The following WDR72 variants were observed in gnomAD, a reference collection of about 807,000 sequenced individuals.
WDR72 encodes WD repeat-containing protein 72.
In WDR72, 120 loss-of-function variants were observed where a neutral mutation model predicts 124.2. The ratio of observed to expected loss-of-function variants is 0.97; its 90% CI spans 0.83 to 1.12. WDR72 has a LOEUF of 1.12. WDR72 is among the 50% of genes most tolerant of loss of function. The pLI, the probability that WDR72 is intolerant of heterozygous loss-of-function variation, is 0.00. For missense variants in WDR72, 1,387 were observed against 1,278.8 expected, an observed-to-expected ratio of 1.08 and a Z score of -1.29; for synonymous variants, 452 against 441.7, an observed-to-expected ratio of 1.02 and a Z score of -0.29.
chr15:53,630,002 G>A (rs184138249), intron 14 of WDR72, among the ~76,000 whole-genome samples: 7 of 152,172 alleles, frequency 4.6e-5, no homozygotes, highest in African/African-American at 1.4e-4. Context: ...ATAATTAGTG[G>A]GGAAAAATCA....
chr15:53,648,053 T>C lies in WDR72; in HGVS notation c.1962+17519A>G, dbSNP rs564357442. 2.5e-3 allele frequency among the ~76,000 whole-genome samples: 379 copies of C among 152,202 alleles called. 6 individuals are homozygous for C. The highest frequency in any genetic ancestry group is 8.7e-3 in the African/African-American group (362 of 41,568). On this transcript the variant is annotated intron_variant, in intron 14 of 19. Transcript: ENST00000360509. ...AGAAGACACAGAAACAAATTCCCCCTAACTTCCCCACCTCTGACAGATGGC... is the reference window on the plus strand; with the variant it reads ...AGAAGACACAGAAACAAATTCCCCCCAACTTCCCCACCTCTGACAGATGGC...
chr15:53,757,977 T>TTCTCTCTCTCTC (rs5812712), intron 1 of WDR72, among the ~76,000 whole-genome samples: 71 of 148,770 alleles, frequency 4.8e-4, no homozygotes, highest in African/African-American at 1.5e-3. Flanking sequence ...AGAGTTTATT[T>TTCTCTCTCTCTC]TCTCTCTCTC....
intron 1 of WDR72, among the ~76,000 whole-genome samples, chr15:53,741,399 C>T (rs941274648): frequency 6.6e-6 from 1 of 152,150 alleles, no homozygotes; most frequent in African/African-American, 2.4e-5. Context: ...TCCAGATTTG[C>T]TATGTGTAGT....
chr15:53,687,140 CAATT>C (rs1331328065), intron 13 of WDR72, among the ~76,000 whole-genome samples: 1 of 148,268 alleles, frequency 6.7e-6, no homozygotes, highest in African/African-American at 2.5e-5. Flanking sequence ...CCTAACATCA[CAATT>C]AAAAGAACTA....
rs1207634830 is a variant in WDR72, at chr15:53,639,439, C to T, written c.1963-23196G>A. 3.7e-5 allele frequency among the ~76,000 whole-genome samples: 5 copies of T among 134,886 alleles called. No homozygotes were observed. In the East Asian group the frequency reaches 1.2e-3, roughly 33 times the overall value. The allele number at this position is 134,886 out of a possible 152,430, so 88.5% of individuals were successfully genotyped here. A position where few individuals can be genotyped will look rare whatever the true frequency, so the allele number is the denominator to read the frequency against. Reference sequence around the variant, plus strand: ...ACCAGCCTGGGCAACATAGCAAGACCTCGTCTCTACAGATAATTAAAAATT... The same window carrying T: ...ACCAGCCTGGGCAACATAGCAAGACTTCGTCTCTACAGATAATTAAAAATT... On this transcript the variant is annotated intron_variant, in intron 14 of 19. Coordinates refer to ENST00000360509, the MANE Select transcript of WDR72 (RefSeq NM_182758.4).
At chr15:53,711,165 T>C in intron 8 of WDR72, 171 bp downstream of exon 8, 1 of 969,114 alleles carries the variant, frequency 1.0e-6, no homozygotes, top group East Asian at 2.6e-5. Context: ...CATCCCCTGC[T>C]GTTTTGTACA....
intron 18 of WDR72, among the ~76,000 whole-genome samples, chr15:53,560,042 T>A (rs2140292452): frequency 6.6e-6 from 1 of 152,064 alleles, no homozygotes; most frequent in Admixed American, 6.6e-5. Context: ...ACATGGCACA[T>A]TTATCACAAC....
chr15:53,685,580 T>A (rs1210392900), intron 13 of WDR72, among the ~76,000 whole-genome samples: 7 of 147,666 alleles, frequency 4.7e-5, no homozygotes, highest in African/African-American at 1.8e-4. Context: ...CAAATCTATG[T>A]CTGATTGGTG....
At chr15:53,529,264 A>G (rs1892319566) in intron 18 of WDR72, among the ~76,000 whole-genome samples, 1 of 151,360 alleles carries the variant, frequency 6.6e-6, no homozygotes, top group Non-Finnish European at 1.5e-5. Flanking sequence ...AAAACAAAAA[A>G]CAAAACAAAA....
intron 18 of WDR72, among the ~76,000 whole-genome samples, chr15:53,539,646 G>GA (rs796231959): frequency 7.4e-4 from 105 of 141,686 alleles, no homozygotes; most frequent in South Asian, 1.3e-3. Flanking sequence ...TAAACATTAG[G>GA]AAAAAAAAAA....
intron 17 of WDR72, 115 bp downstream of exon 17, chr15:53,609,398 G>T (rs1177436508): frequency 1.5e-5 from 13 of 887,692 alleles, no homozygotes; most frequent in Non-Finnish European, 1.5e-5. Flanking sequence ...CTGTTCAAAG[G>T]CCATTTTATG....
At chr15:53,662,840 G>C (rs1461825620) in intron 14 of WDR72, among the ~76,000 whole-genome samples, 2 of 152,030 alleles carry the variant, frequency 1.3e-5, no homozygotes, top group African/African-American at 2.4e-5. Flanking sequence ...TGAGGCAGGA[G>C]GATCACCTAA....
At chr15:53,751,199 A>C (rs1191136489) in intron 1 of WDR72, among the ~76,000 whole-genome samples, 1 of 152,042 alleles carries the variant, frequency 6.6e-6, no homozygotes, top group Non-Finnish European at 1.5e-5. Context: ...ACCTGAGGCC[A>C]GGAGTTTGAG....
At chr15:53,610,347 C>T (rs551802021) in intron 16 of WDR72, among the ~76,000 whole-genome samples, 1 of 151,538 alleles carries the variant, frequency 6.6e-6, no homozygotes, top group Non-Finnish European at 1.5e-5. Context: ...AATGAACAAT[C>T]GATGAGTTAA....
intron 9 of WDR72, among the ~76,000 whole-genome samples, 182 bp from the exon 10 acceptor site, chr15:53,706,256 T>C (rs1034695741): frequency 6.6e-6 from 1 of 151,306 alleles, no homozygotes; most frequent in East Asian, 1.9e-4. Flanking sequence ...AGAGGCTTTA[T>C]AAAACAAGAA....
rs568754774 is a variant in WDR72 at position 53,650,052 on chromosome 15, C to G, written c.1962+15520G>C. ...TGGAAATAATCTAAAAGTTCATTAGCAGATGAATGGATAGAGAAATTTTGA... is the reference window on the plus strand; with the variant it reads ...TGGAAATAATCTAAAAGTTCATTAGGAGATGAATGGATAGAGAAATTTTGA... On this transcript the variant is annotated intron_variant, in intron 14 of 19. Transcript: ENST00000360509. 7.9e-5 allele frequency among the ~76,000 whole-genome samples: 12 copies of G among 152,202 alleles called. No individual in the cohort carries two copies. The South Asian group carries it at 1.2e-3, about 16-fold the overall frequency.
intron 14 of WDR72, among the ~76,000 whole-genome samples, chr15:53,625,399 T>C (rs1179833542): frequency 6.6e-6 from 1 of 152,196 alleles, no homozygotes; most frequent in African/African-American, 2.4e-5. Context: ...TACTACTCTC[T>C]GAAATCCCAG....
At chr15:53,669,392 G>T (rs956172733) in intron 13 of WDR72, among the ~76,000 whole-genome samples, 1 of 152,076 alleles carries the variant, frequency 6.6e-6, no homozygotes, top group Non-Finnish European at 1.5e-5. Context: ...GGTGGAGGGG[G>T]GTCTTTCTTG....
rs771317432 is a variant in WDR72 at position 53,665,756 on chromosome 15, C to G, written c.1778G>C (p.Arg593Thr). ...IWEIETGTLE[R>T]HETGERARII... Reference sequence around the variant, plus strand: ...TCGTGCTCTTTCTCCTGTCTCATGTCTTTCCAAAGTGCCTGGAAAACAAGA... The same window carrying G: ...TCGTGCTCTTTCTCCTGTCTCATGTGTTTCCAAAGTGCCTGGAAAACAAGA... The change falls in exon 14 of 20, where the codon AGA (arginine) becomes ACA (threonine). Residue 593 changes from arginine to threonine, a missense_variant. Physicochemically the swap from Arg to Thr is moderately conservative, Grantham distance 71. Transcript: ENST00000360509. 1 of 1,613,714 alleles carries G rather than the reference C, an allele frequency of 6.2e-7. No homozygotes were observed. The highest frequency in any genetic ancestry group is 1.1e-5 in the South Asian group (1 of 91,072).
Sources: gnomAD v4.1 joint callset for allele counts (sites outside exome capture counted in the v4.1 genomes callset) on GRCh38, gnomAD v4.1.1 for gene constraint, MANE v1.5 for transcripts, NCBI Gene and HGNC (gene_info 2026-07-23, HGNC 2026-07-21) for gene names.